The following COL1A2 variants were observed in gnomAD, a reference collection of about 807,000 sequenced individuals.
COL1A2 encodes the protein collagen type I alpha 2 chain.
In COL1A2, 49 loss-of-function variants were observed where a neutral mutation model predicts 174.3. The ratio of observed to expected loss-of-function variants is 0.28; its 90% CI spans 0.22 to 0.36. The LOEUF is 0.36. COL1A2 is among the 10% of genes least tolerant of loss of function. COL1A2 has a pLI of 1.00. For synonymous variants in COL1A2, 655 were observed against 606.6 expected (o/e 1.08, Z -1.17); for missense variants, 1,438 against 1,822.7 (o/e 0.79, Z 3.84).
chr7:94,422,390 A>G (rs1040305120), intron 39 of COL1A2: 79 of 160,480 alleles, frequency 4.9e-4, no homozygotes, highest in African/African-American at 1.7e-3. Context: ...TTAATTACCA[A>G]GGATTAAGTC....
chr7:94,406,543 A>G (rs1192893459), intron 12 of COL1A2, among the ~76,000 whole-genome samples: 2 of 152,218 alleles, frequency 1.3e-5, no homozygotes, highest in Non-Finnish European at 2.9e-5. Flanking sequence ...TAATATTAAT[A>G]GTTTCTTGTT....
intron 23 of COL1A2, among the ~76,000 whole-genome samples, chr7:94,411,552 G>A (rs964131405): frequency 6.6e-6 from 1 of 152,122 alleles, no homozygotes; most frequent in Non-Finnish European, 1.5e-5. Context: ...ATCACAAAGT[G>A]CTGTAATGTA....
chr7:94,430,074 C>A, intron 51 of COL1A2, 173 bp from the exon 52 acceptor site: 1 of 662,884 alleles, frequency 1.5e-6, no homozygotes, highest in Non-Finnish European at 2.6e-6. Flanking sequence ...GGGAGCCCCT[C>A]CCACTAAAGA....
At chr7:94,423,257 G>C (rs1211431735) in intron 40 of COL1A2, 139 bp downstream of exon 40, 7 of 1,015,266 alleles carry the variant, frequency 6.9e-6, no homozygotes. Flanking sequence ...CAGGAAATCT[G>C]TCCAGCACAC....
At chr7:94,399,534 A>G (rs1219956150) in intron 4 of COL1A2, among the ~76,000 whole-genome samples, 1 of 152,194 alleles carries the variant, frequency 6.6e-6, no homozygotes, top group African/African-American at 2.4e-5. Flanking sequence ...TATTTGTGGC[A>G]TTCTTAAATC....
At chr7:94,410,095 G>T in intron 19 of COL1A2, 147 bp from the exon 20 acceptor site, 2 of 866,128 alleles carry the variant, frequency 2.3e-6, no homozygotes, top group Non-Finnish European at 3.8e-6. Flanking sequence ...CCATTCCCCT[G>T]TACTCAATTT....
rs748798643 is a variant in COL1A2 at position 94,400,177 on chromosome 7, C to G, written c.133-19C>G. The G allele has an allele frequency of 4.7e-5, 75 of 1,612,742 alleles. No individual in the cohort carries two copies. Among genetic ancestry groups the G allele is most frequent in the Non-Finnish European group, 6.4e-5 (75 of 1,178,876 alleles). On this transcript the variant is annotated intron_variant, in intron 4 of 51. Coordinates refer to ENST00000297268, the MANE Select transcript of COL1A2 (RefSeq NM_000089.4). ...ACAGGGCCTGTCTAACCTGACCTTACTCACTTTTTACATAACAGGGTCCAC... is the reference window on the plus strand; with the variant it reads ...ACAGGGCCTGTCTAACCTGACCTTAGTCACTTTTTACATAACAGGGTCCAC...
chr7:94,430,996 T>G lies in COL1A2; in HGVS notation c.*603T>G, dbSNP rs1178486528. 6.6e-6 allele frequency: 1 copy of G among 152,658 alleles called. No homozygotes were observed. The highest frequency in any genetic ancestry group is 1.5e-5 in the Non-Finnish European group (1 of 68,108). 9.5% of individuals were successfully genotyped at this position (152,658 alleles called of 1,614,324 possible). A position where few individuals can be genotyped will look rare whatever the true frequency, so the allele number is the denominator to read the frequency against. On this transcript the variant is annotated 3_prime_UTR_variant, in exon 52 of 52. Transcript: ENST00000297268. ...TTTTTTAAAAAATTTGATTTAGCAT[T>G]CATATTTTCCATCTTATTCCCAATT...
At chr7:94,418,603 T>G (rs761077107) in intron 33 of COL1A2, 51 bp downstream of exon 33, 4 of 1,445,764 alleles carry the variant, frequency 2.8e-6, no homozygotes, top group Non-Finnish European at 3.8e-6. Flanking sequence ...TTTTTTTTTA[T>G]GTTTGAATTG....
In COL1A2 at chr7:94,410,924, T is replaced by C. The variant is rs1164504050; in HGVS notation, c.1233T>C (p.Asp411=). 1.9e-6 allele frequency: 3 copies of C among 1,614,128 alleles called. No homozygotes were observed. The East Asian group carries it at 6.7e-5, about 36-fold the overall frequency. Residue 411 remains aspartate (D), a synonymous_variant, in exon 22 of 52, where the codon GAT becomes GAC. Transcript: ENST00000297268. ...SPGSRGLPGA[D]GRAGVMGPPG... ...GTTCTCGTGGTCTTCCTGGAGCTGA[T>C]GGCAGAGCTGGCGTCATGGTAAGCT...
chr7:94,406,215 T>G, intron 11 of COL1A2, 35 bp from the exon 12 acceptor site: 2 of 1,607,490 alleles, frequency 1.2e-6, no homozygotes, highest in Non-Finnish European at 1.7e-6. Flanking sequence ...AACACTATCA[T>G]GGAACAGCAT....
intron 10 of COL1A2, 141 bp downstream of exon 10, chr7:94,405,393 C>T: frequency 1.2e-6 from 1 of 858,788 alleles, no homozygotes; most frequent in Non-Finnish European, 1.8e-6. Context: ...AAGAAAAAAG[C>T]CTAGTTAAAA....
chr7:94,421,978 T>A, intron 39 of COL1A2, 26 bp downstream of exon 39: 2 of 1,608,098 alleles, frequency 1.2e-6, no homozygotes, highest in Non-Finnish European at 1.7e-6. Flanking sequence ...TAAACGTGTC[T>A]TCATTTACTC....
intron 31 of COL1A2, chr7:94,417,449 C>T (rs905864456): frequency 4.1e-5 from 19 of 466,156 alleles, no homozygotes; most frequent in Admixed American, 4.0e-4. Flanking sequence ...GTCCTATCCT[C>T]TTCTCCATGC....
chr7:94,414,219 T>C lies in COL1A2; in HGVS notation c.1666-3T>C. 1 of 1,613,880 alleles carries C rather than the reference T, an allele frequency of 6.2e-7. No homozygotes were observed. Among genetic ancestry groups the C allele is most frequent in the Non-Finnish European group, 8.5e-7 (1 of 1,179,936 alleles). On this transcript the variant is annotated splice_polypyrimidine_tract_variant and splice_region_variant and intron_variant, in intron 28 of 51. Transcript: ENST00000297268. ...TGAGATTTGTATTTCTTTTCATTTTTAGGGTCTGCCTGGCCCCTCAGGTCC... is the reference window on the plus strand; with the variant it reads ...TGAGATTTGTATTTCTTTTCATTTTCAGGGTCTGCCTGGCCCCTCAGGTCC...
intron 31 of COL1A2, 195 bp downstream of exon 31, chr7:94,416,698 T>G: frequency 1.7e-6 from 1 of 587,434 alleles, no homozygotes. Context: ...AGCAACAAAC[T>G]GTGGGGGAAA....
intron 26 of COL1A2, 27 bp from the exon 27 acceptor site, chr7:94,413,663 A>T (rs1791979034): frequency 2.5e-6 from 4 of 1,612,672 alleles, no homozygotes; most frequent in Non-Finnish European, 3.4e-6. Context: ...GCAGCTAACC[A>T]TCAGCCTTTC....
intron 46 of COL1A2, chr7:94,426,760 T>C (rs940239005): frequency 1.4e-4 from 88 of 628,734 alleles, no homozygotes; most frequent in Non-Finnish European, 3.1e-5. Context: ...CTGGTAACAA[T>C]GTCCTTCAAC....
At position 94,425,321 on chromosome 7, in the gene COL1A2, G is replaced by A. The variant is rs1021284621; in HGVS notation, c.2781+97G>A. ...TGAGGTTCTCTTCTTCCAAATTTCT[G>A]AACAAGATGGTCAGCTTCTCCATAG... On this transcript the variant is annotated intron_variant, in intron 42 of 51. Coordinates refer to ENST00000297268, the MANE Select transcript of COL1A2 (RefSeq NM_000089.4). 6.8e-6 allele frequency: 8 copies of A among 1,175,554 alleles called. No homozygotes were observed. The Admixed American group carries it at 1.2e-4, about 17-fold the overall frequency. 72.8% of individuals were successfully genotyped at this position (1,175,554 alleles called of 1,614,324 possible). A position where few individuals can be genotyped will look rare whatever the true frequency, so the allele number is the denominator to read the frequency against.
Sources: allele counts gnomAD v4.1 joint callset (sites outside exome capture counted in the v4.1 genomes callset), GRCh38; gene constraint gnomAD v4.1.1; transcripts MANE v1.5; gene names NCBI Gene and HGNC (gene_info 2026-07-23, HGNC 2026-07-21).